DCHS2: variants seen among roughly 807,000 people sequenced by gnomAD.
DCHS2 encodes the protein protocadherin-23.
DCHS2 carries 142 observed loss-of-function variants against 182.4 expected under a neutral mutation model. That is an observed-to-expected ratio of 0.78 (90% CI 0.68 to 0.89). The LOEUF is 0.89. Ranked by LOEUF, DCHS2 falls within the 40% of genes least tolerant of loss-of-function variation. The probability of loss-of-function intolerance (pLI) is 0.00; values close to 1 mark genes in which losing one functional copy is unlikely to be tolerated. For synonymous variants in DCHS2, 1,740 were observed against 1,663.3 expected (o/e 1.05, Z -1.12); for missense variants, 4,319 against 4,198.6 (o/e 1.03, Z -0.79).
At chr4:154,450,353 T>C (rs1734482782) in intron 1 of DCHS2, among the ~76,000 whole-genome samples, 1 of 152,210 alleles carries the variant, frequency 6.6e-6, no homozygotes, top group Admixed American at 6.5e-5. Flanking sequence ...AATTCTTGCT[T>C]GGACTGTGCA....
chr4:154,394,844 TCTCAAAA>T (rs1347576796), intron 1 of DCHS2, among the ~76,000 whole-genome samples: 1 of 152,172 alleles, frequency 6.6e-6, no homozygotes, highest in Non-Finnish European at 1.5e-5. Context: ...TTCCCTCAAG[TCTCAAAA>T]CTGCATGGCC....
At chr4:154,325,316 CGTGTGTGT>C (rs75589397) in intron 7 of DCHS2, among the ~76,000 whole-genome samples, 183 of 142,762 alleles carry the variant, frequency 1.3e-3, no homozygotes, top group African/African-American at 4.0e-3. Context: ...GGATTATAGC[CGTGTGTGT>C]GTGTGTGTGT....
At chr4:154,330,391 T>G (rs1736473721) in intron 5 of DCHS2, among the ~76,000 whole-genome samples, 1 of 152,222 alleles carries the variant, frequency 6.6e-6, no homozygotes, top group Admixed American at 6.5e-5. Flanking sequence ...CTTTAGAAGC[T>G]TTATTTCAAA....
chr4:154,316,513 C>A (rs979999081), intron 9 of DCHS2, among the ~76,000 whole-genome samples: 1 of 151,942 alleles, frequency 6.6e-6, no homozygotes, highest in Non-Finnish European at 1.5e-5. Flanking sequence ...CTGGGTGTGG[C>A]GGCTTACACT....
At chr4:154,428,277 AT>A (rs1339557756) in intron 1 of DCHS2, among the ~76,000 whole-genome samples, 1 of 152,240 alleles carries the variant, frequency 6.6e-6, no homozygotes, top group Admixed American at 6.5e-5. Context: ...AGAATGGCTC[AT>A]GCTTATAATC....
chr4:154,374,072 C>T (rs1730777856), intron 2 of DCHS2: 1 of 905,674 alleles, frequency 1.1e-6, no homozygotes, highest in Admixed American at 2.7e-5. Flanking sequence ...GAAAAGACAC[C>T]TGGATTAAAG....
chr4:154,341,162 A>G (rs903328326), intron 3 of DCHS2, among the ~76,000 whole-genome samples: 6 of 152,012 alleles, frequency 3.9e-5, no homozygotes, highest in African/African-American at 1.2e-4. Flanking sequence ...AGGTCAGGAG[A>G]TGGAGACCAT....
chr4:154,427,786 CAGAG>C (rs1296261658), intron 1 of DCHS2, among the ~76,000 whole-genome samples: 13 of 152,298 alleles, frequency 8.5e-5, no homozygotes, highest in Admixed American at 8.5e-4. Context: ...CACCTCCCGT[CAGAG>C]AGACCTGGGG....
Position 154,315,667 on chromosome 4 carries a change from A to G in DCHS2, c.5260+81T>C, listed in dbSNP as rs535980429. 6.7e-5 allele frequency: 104 copies of G among 1,543,754 alleles called. 1 individual carries two copies. In the South Asian group the frequency reaches 1.1e-3, roughly 17 times the overall value. On this transcript the variant is annotated intron_variant, in intron 10 of 19. Coordinates refer to ENST00000357232, the MANE Select transcript of DCHS2 (RefSeq NM_001358235.2). Reference sequence around the variant, plus strand: ...AGCAACTGTTCATTTTTTCTGAGCCATAACTATTATAAATTACGTCAATTA... The same window carrying G: ...AGCAACTGTTCATTTTTTCTGAGCCGTAACTATTATAAATTACGTCAATTA...
intron 4 of DCHS2, 200 bp downstream of exon 4, chr4:154,334,668 T>A (rs942900611): frequency 1.8e-6 from 1 of 552,094 alleles, no homozygotes; most frequent in African/African-American, 1.9e-5. Flanking sequence ...ATGCCTATTA[T>A]TTTTGTGATC....
rs1237232770 is a variant in DCHS2 at position 154,235,130 on chromosome 4, G to A, written c.9522C>T (p.Ser3174=). ...ACACATTATTTTGAGCACAGGTGGT[G>A]CTGCAGCCTTCCCCTTGATCTCCTT... is the stretch of plus-strand genomic sequence containing the variant. ...FGEGDQGEGC[S]TTCAQNNVLP... is the part of the protein sequence containing the mutation. Residue 3174 remains serine (S), a synonymous_variant, in exon 20 of 20, where the codon AGC becomes AGT. Transcript: ENST00000357232. 6.2e-7 allele frequency: 1 copy of A among 1,613,860 alleles called. No individual in the cohort carries two copies. Among genetic ancestry groups the A allele is most frequent in the African/African-American group, 1.3e-5 (1 of 74,928 alleles).
intron 1 of DCHS2, among the ~76,000 whole-genome samples, chr4:154,460,495 G>T (rs1414713144): frequency 6.6e-6 from 1 of 152,092 alleles, no homozygotes; most frequent in East Asian, 1.9e-4. Flanking sequence ...CTATAAAATG[G>T]TTTAGTAACA....
chr4:154,339,311 T>G (rs1232996726), intron 3 of DCHS2, among the ~76,000 whole-genome samples: 2 of 152,220 alleles, frequency 1.3e-5, no homozygotes, highest in Admixed American at 6.5e-5. Flanking sequence ...ATTCTAGGGC[T>G]GGCCATCTGC....
chr4:154,337,315 A>G (rs1228722251), intron 3 of DCHS2, among the ~76,000 whole-genome samples: 1 of 152,180 alleles, frequency 6.6e-6, no homozygotes, highest in Non-Finnish European at 1.5e-5. Flanking sequence ...AGAAATTTTA[A>G]AAGATTTTAT....
rs891439350 is a variant in DCHS2 at position 154,330,680 on chromosome 4, TA to T, written c.3731-971del. Among the ~76,000 whole-genome samples, 149 of 152,044 alleles carry T rather than the reference TA, an allele frequency of 9.8e-4. 1 individual carries two copies. Among genetic ancestry groups the T allele is most frequent in the African/African-American group, 3.5e-3 (146 of 41,504 alleles). On this transcript the variant is annotated intron_variant, in intron 5 of 19. Transcript: ENST00000357232. ...TAATACAAATAAAATAGCATTGCAT[TA>T]AAAAAAAGTGGAAACAGGGAACAAA...
chr4:154,314,511 A>G (rs1294127743), intron 10 of DCHS2, among the ~76,000 whole-genome samples: 1 of 152,208 alleles, frequency 6.6e-6, no homozygotes. Context: ...CCTTGAAAAG[A>G]GTGTTAGTAA....
chr4:154,421,368 TC>T (rs1733102618), intron 1 of DCHS2, among the ~76,000 whole-genome samples: 1 of 147,920 alleles, frequency 6.8e-6, no homozygotes, highest in East Asian at 2.0e-4. Context: ...ACCCTTCTCA[TC>T]TGTGTTAATT....
At chr4:154,428,514 G>A (rs542499483) in intron 1 of DCHS2, among the ~76,000 whole-genome samples, 1 of 152,062 alleles carries the variant, frequency 6.6e-6, no homozygotes, top group Non-Finnish European at 1.5e-5. Flanking sequence ...ACTCCAGCTT[G>A]GGTAACAAAG....
At chr4:154,376,138 C>T (rs1359548790) in intron 2 of DCHS2, among the ~76,000 whole-genome samples, 4 of 152,124 alleles carry the variant, frequency 2.6e-5, no homozygotes, top group East Asian at 1.9e-4. Flanking sequence ...TTCTGGGTTC[C>T]GGTAACGTTT....
Sources: allele counts gnomAD v4.1 joint callset (sites outside exome capture counted in the v4.1 genomes callset), GRCh38; gene constraint gnomAD v4.1.1; transcripts MANE v1.5; gene names NCBI Gene and HGNC (gene_info 2026-07-23, HGNC 2026-07-21).